The following SYNE4 variants were observed in gnomAD, a reference collection of about 807,000 sequenced individuals.
SYNE4 encodes the protein spectrin repeat containing nuclear envelope family member 4, also known as nesprin-4.
A neutral mutation model predicts 46.9 loss-of-function variants in SYNE4; 41 were observed. The ratio of observed to expected loss-of-function variants is 0.87; its 90% CI spans 0.68 to 1.13. SYNE4 has a LOEUF of 1.13. SYNE4 is among the 50% of genes most tolerant of loss of function. The pLI is 0.00. For missense variants in SYNE4, 492 were observed against 514.8 expected (o/e 0.96, Z 0.43); for synonymous variants, 221 against 219.5 (o/e 1.01, Z -0.06).
chr19:36,008,449 C>T, intron 1 of SYNE4, 82 bp from the exon 2 acceptor site: 2 of 1,594,414 alleles, frequency 1.3e-6, no homozygotes, highest in South Asian at 1.1e-5. Flanking sequence ...GGTGGCCTCT[C>T]CTATGTCCCC....
chr19:36,005,228 T>C (rs1016467050), intron 6 of SYNE4, 105 bp downstream of exon 6: 1 of 1,246,172 alleles, frequency 8.0e-7, no homozygotes, highest in Non-Finnish European at 1.1e-6. Flanking sequence ...CATTACTTTT[T>C]TTTTTTTTAA....
In SYNE4 at chr19:36,006,748, A is replaced by T. The variant is rs748326281; in HGVS notation, c.618+2T>A. ...GGTGGGGGGTATCAAGATGGGCCCTACCAGGCTGTAGCTGACCAGCTGGGC... is the reference window on the plus strand; with the variant it reads ...GGTGGGGGGTATCAAGATGGGCCCTTCCAGGCTGTAGCTGACCAGCTGGGC... On this transcript the variant is annotated splice_donor_variant, in intron 4 of 7. Transcript: ENST00000324444. LOFTEE classifies it high-confidence loss of function. 2.7e-5 allele frequency: 43 copies of T among 1,606,434 alleles called. No homozygotes were observed. Among genetic ancestry groups the T allele is most frequent in the Non-Finnish European group, 3.3e-5 (39 of 1,176,238 alleles).
intron 6 of SYNE4, among the ~76,000 whole-genome samples, chr19:36,004,358 G>A (rs1189286128): frequency 2.0e-5 from 3 of 152,090 alleles, no homozygotes; most frequent in East Asian, 3.8e-4. Context: ...ACCCTACTAC[G>A]ATAGACCTAC....
intron 5 of SYNE4, 164 bp from the exon 6 acceptor site, chr19:36,005,601 G>T: frequency 4.7e-6 from 3 of 634,398 alleles, no homozygotes; most frequent in Non-Finnish European, 8.1e-6. Context: ...TTCAATAAAT[G>T]TGTAATGAGT....
Position 36,003,528 on chromosome 19 carries a change from G to A in SYNE4, c.1032-8C>T. The A allele has an allele frequency of 1.3e-6, 2 of 1,596,626 alleles. No homozygotes were observed. The highest frequency in any genetic ancestry group is 8.5e-7 in the Non-Finnish European group (1 of 1,171,094). On this transcript the variant is annotated splice_region_variant and splice_polypyrimidine_tract_variant and intron_variant, in intron 7 of 7. Coordinates refer to ENST00000324444, the MANE Select transcript of SYNE4 (RefSeq NM_001039876.3). The stretch of plus-strand genomic sequence containing the variant: ...GATGCAGGATCGGGGGCCCTGTGAA[G>A]GGAAATGCAGTGTTAAACATACAGG...
At chr19:36,008,439 G>A in intron 1 of SYNE4, 72 bp from the exon 2 acceptor site, 1 of 1,584,252 alleles carries the variant, frequency 6.3e-7, no homozygotes, top group Non-Finnish European at 8.6e-7. Flanking sequence ...CCCCAACCCT[G>A]GTGGCCTCTC....
At position 36,007,195 on chromosome 19, in the gene SYNE4, C is replaced by A. The variant is rs747777598; in HGVS notation, c.353G>T (p.Arg118Leu). 2 of 1,584,490 alleles carry A rather than the reference C, an allele frequency of 1.3e-6. No individual in the cohort carries two copies. Among genetic ancestry groups the A allele is most frequent in the African/African-American group, 1.3e-5 (1 of 74,508 alleles). Residue 118 changes from arginine (R) to leucine (L), a missense_variant, in exon 3 of 8, where the codon CGC becomes CTC. By Grantham distance (102) the Arg-to-Leu change is moderately radical. Transcript: ENST00000324444. The part of the protein sequence containing the change: ...SLHLCLLGLG[R>L]RLQDLEQGLG... ...GCCTTGCTCCAGGTCCTGCAGCCGG[C>A]GGCCCAGCCCCAGCAGGCACAGGTG...
At position 36,008,551 on chromosome 19, in the gene SYNE4, C is replaced by A; in HGVS notation, c.128+3G>T. On this transcript the variant is annotated splice_donor_region_variant and intron_variant, in intron 1 of 7. Coordinates refer to ENST00000324444, the MANE Select transcript of SYNE4 (RefSeq NM_001039876.3). ...AACAAGCTTCCAAAGCCCCGGCCCCCACCTCGTGCTCTCCTCTCCGGACGC... is the reference window on the plus strand; with the variant it reads ...AACAAGCTTCCAAAGCCCCGGCCCCAACCTCGTGCTCTCCTCTCCGGACGC... 6.2e-7 allele frequency: 1 copy of A among 1,613,642 alleles called. No homozygotes were observed. The highest frequency in any genetic ancestry group is 8.5e-7 in the Non-Finnish European group (1 of 1,179,930).
chr19:36,005,661 T>C, intron 5 of SYNE4: 1 of 512,376 alleles, frequency 2.0e-6, no homozygotes, highest in Admixed American at 3.2e-5. Flanking sequence ...ACAGTGGGGA[T>C]GGAAATAGGC....
chr19:36,005,223 CTTTT>C, intron 6 of SYNE4, 106 bp downstream of exon 6: 1 of 921,678 alleles, frequency 1.1e-6, no homozygotes, highest in Non-Finnish European at 1.6e-6. Flanking sequence ...CTTTCCATTA[CTTTT>C]TTTTTTTTTA....
In SYNE4 at chr19:36,008,296, C is replaced by T; in HGVS notation, c.200G>A (p.Gly67Asp). ...CGGGGGGTGAGCGGCAGGCTCATTG[C>T]CCCTTGGCCCACCCTGGAAGTGCTC... The part of the protein sequence containing the change: ...PPEHFQGGPR[G>D]NEPAAHPPRW... Residue 67 changes from glycine to aspartate, a missense_variant, in exon 2 of 8, where the codon GGC becomes GAC. By Grantham distance (94) the Gly-to-Asp change is moderately conservative. Coordinates refer to ENST00000324444, the MANE Select transcript of SYNE4 (RefSeq NM_001039876.3). The T allele has an allele frequency of 6.3e-7, 1 of 1,592,520 alleles. No individual in the cohort carries two copies. The highest frequency in any genetic ancestry group is 8.6e-7 in the Non-Finnish European group (1 of 1,168,692).
At position 36,008,677 on chromosome 19, in the gene SYNE4, G is replaced by T; in HGVS notation, c.5C>A (p.Ala2Asp). Residue 2 changes from alanine (A) to aspartate (D), a missense_variant, in exon 1 of 8, where the codon GCC (alanine) becomes GAC (aspartate). By Grantham distance (126) the Ala-to-Asp change is moderately radical. Transcript: ENST00000324444. Reference sequence around the variant, plus strand: ...TCTAGGGCCCAGAGGCAGGGACAGGGCCATGGCTGGGGGCCTGGGGACACA... The same window carrying T: ...TCTAGGGCCCAGAGGCAGGGACAGGTCCATGGCTGGGGGCCTGGGGACACA... M[A>D]LSLPLGPRLG... is the part of the protein sequence containing the mutation. 6.2e-7 allele frequency: 1 copy of T among 1,610,208 alleles called. No homozygotes were observed. Among genetic ancestry groups the T allele is most frequent in the Admixed American group, 1.7e-5 (1 of 59,284 alleles).
chr19:36,006,849 C>G lies in SYNE4; in HGVS notation c.519G>C (p.Trp173Cys). ...CCCGCAGGATCTGCTCCAGGGCTGC[C>G]CAGGCCCTGGGCTCACTCCGCTGTG... ...GLAQRSEPRA[W>C]AALEQILRAL... The change falls in exon 4 of 8, where the codon TGG becomes TGC. Residue 173 changes from tryptophan to cysteine, a missense_variant. Physicochemically the swap from Trp to Cys is radical, Grantham distance 215 (BLOSUM62 -2). Coordinates refer to ENST00000324444, the MANE Select transcript of SYNE4 (RefSeq NM_001039876.3). 1 of 1,590,796 alleles carries G rather than the reference C, an allele frequency of 6.3e-7. No homozygotes were observed. Among genetic ancestry groups the G allele is most frequent in the South Asian group, 1.1e-5 (1 of 88,116 alleles).
At chr19:36,005,758 C>T (rs940759526) in intron 5 of SYNE4, 1 of 230,704 alleles carries the variant, frequency 4.3e-6, no homozygotes, top group African/African-American at 2.2e-5. Flanking sequence ...GTGGCTTATG[C>T]CTGTAATCCC....
At position 36,006,829 on chromosome 19, in the gene SYNE4, A is replaced by G. The variant is rs778930927; in HGVS notation, c.539T>C (p.Leu180Pro). Residue 180 changes from leucine to proline, a missense_variant, in exon 4 of 8, where the codon CTG becomes CCG. Leu to Pro is a moderately conservative substitution (Grantham distance 98). Transcript: ENST00000324444. ...PRAWAALEQI[L>P]RALGAYRDSI... ...GTCTCGGTAAGCTCCCAGGGCCCGC[A>G]GGATCTGCTCCAGGGCTGCCCAGGC... 10 of 1,602,484 alleles carry G rather than the reference A, an allele frequency of 6.2e-6. No individual in the cohort carries two copies. In the Admixed American group the frequency reaches 1.8e-4, roughly 28 times the overall value.
chr19:36,007,231 T>C lies in SYNE4; in HGVS notation c.317A>G (p.Gln106Arg). ...ISGLEVLEAEQNSLHLCLLGL... is the reference protein window; with the variant it reads ...ISGLEVLEAERNSLHLCLLGL... ...CAGCAGGCACAGGTGCAGGCTGTTC[T>C]GCTCAGCCTCTAGTACCTCCAGGCC... is the stretch of plus-strand genomic sequence containing the variant. The change falls in exon 3 of 8, where the codon CAG (glutamine) becomes CGG (arginine). Residue 106 changes from glutamine (Q) to arginine (R), a missense_variant. Physicochemically the swap from Gln to Arg is conservative, Grantham distance 43. Transcript: ENST00000324444. 6.3e-7 allele frequency: 1 copy of C among 1,594,740 alleles called. No homozygotes were observed. Among genetic ancestry groups the C allele is most frequent in the Non-Finnish European group, 8.5e-7 (1 of 1,171,372 alleles).
chr19:36,003,562 T>C (rs2145339036), intron 7 of SYNE4, 42 bp from the exon 8 acceptor site: 1 of 1,604,478 alleles, frequency 6.2e-7, no homozygotes, highest in East Asian at 2.2e-5. Flanking sequence ...GGTGGGCTGC[T>C]GCTAGGAGCT....
chr19:36,007,034 G>A (rs1053157938), intron 3 of SYNE4, 90 bp from the exon 4 acceptor site: 5 of 1,548,644 alleles, frequency 3.2e-6, no homozygotes, highest in East Asian at 2.4e-5. Context: ...CAAAGGCCTG[G>A]AACATGCACT....
intron 6 of SYNE4, among the ~76,000 whole-genome samples, chr19:36,004,382 T>C (rs1271793299): frequency 6.6e-6 from 1 of 152,210 alleles, no homozygotes; most frequent in Admixed American, 6.5e-5. Flanking sequence ...GCTGGTCTTA[T>C]TTCTTCTCCT....
Sources: gnomAD v4.1 joint callset for allele counts (sites outside exome capture counted in the v4.1 genomes callset) on GRCh38, gnomAD v4.1.1 for gene constraint, MANE v1.5 for transcripts, NCBI Gene and HGNC (gene_info 2026-07-23, HGNC 2026-07-21) for gene names.